Variants in NEB observed in about 807,000 individuals in gnomAD.
NEB encodes nemaline myopathy type 2.
A neutral mutation model predicts 952.2 loss-of-function variants in NEB; 512 were observed. The ratio of observed to expected loss-of-function variants is 0.54; its 90% confidence interval spans 0.50 to 0.58. The LOEUF is 0.58. NEB is among the 20% of genes least tolerant of loss of function. The probability of loss-of-function intolerance (pLI) is 0.00; values close to 1 mark genes in which losing one functional copy is unlikely to be tolerated. For synonymous variants in NEB, 2,900 were observed against 3,149.8 expected (o/e 0.92, Z 2.66); for missense variants, 8,428 against 9,231.1 (o/e 0.91, Z 3.56).
intron 151 of NEB, 34 bp downstream of exon 151, chr2:151,525,129 T>C (rs375442628): frequency 2.0e-4 from 299 of 1,458,588 alleles, no homozygotes; most frequent in Non-Finnish European, 2.5e-4. Flanking sequence ...CTGCTTCAAA[T>C]GGGCCCCCAA....
chr2:151,650,938 CA>C (rs539315827), intron 52 of NEB, 53 bp from the exon 53 acceptor site: 2 of 1,465,202 alleles, frequency 1.4e-6, no homozygotes, highest in Non-Finnish European at 1.8e-6. Context: ...AAGTTAAGCT[CA>C]ACTTGCTTTT....
intron 40 of NEB, among the ~76,000 whole-genome samples, chr2:151,666,854 G>T (rs139127912): frequency 6.6e-6 from 1 of 152,086 alleles, no homozygotes; most frequent in East Asian, 1.9e-4. Context: ...GAGCCACCAT[G>T]TCTGGTCAAT....
chr2:151,636,445 T>C (rs1433496542), intron 63 of NEB, 111 bp from the exon 64 acceptor site: 4 of 871,948 alleles, frequency 4.6e-6, no homozygotes, highest in Non-Finnish European at 6.9e-6. Flanking sequence ...TAATCTTTCT[T>C]TTGAGAGTTC....
intron 126 of NEB, 27 bp from the exon 127 acceptor site, chr2:151,553,529 G>GAAAAAAAAAA: frequency 7.2e-7 from 1 of 1,394,236 alleles, no homozygotes; most frequent in Non-Finnish European, 9.9e-7. Flanking sequence ...GAAAGGATCA[G>GAAAAAAAAAA]AAAAAAAAAA....
chr2:151,499,230 A>T lies in NEB; in HGVS notation c.24114+68T>A, dbSNP rs1575119187. ...ATTGGGATGAGTTGATTAGATTTTT[A>T]AAATCTAGCCATTAATCTTTTTAAA... On this transcript the variant is annotated intron_variant, in intron 169 of 181. Transcript: ENST00000397345. 1.2e-4 allele frequency: 101 copies of T among 849,200 alleles called. No homozygotes were observed. The East Asian group carries it at 2.8e-3, about 23-fold the overall frequency. The allele number at this position is 849,200 out of a possible 1,614,324, so 52.6% of individuals were successfully genotyped here.
At chr2:151,646,054 C>T in intron 55 of NEB, 76 bp downstream of exon 55, 2 of 1,103,660 alleles carry the variant, frequency 1.8e-6, no homozygotes, top group Non-Finnish European at 1.3e-6. Context: ...ATTCAGAGAA[C>T]TTCTAGACAA....
At position 151,518,821 on chromosome 2, in the gene NEB, T is replaced by C. The variant is rs545992813; in HGVS notation, c.22695+144A>G. 5.8e-4 allele frequency: 352 copies of C among 611,942 alleles called. 2 individuals carry two copies. In the South Asian group the frequency reaches 7.2e-3, roughly 13 times the overall value. The allele number at this position is 611,942 out of a possible 1,614,324, so 37.9% of individuals were successfully genotyped here. On this transcript the variant is annotated intron_variant, in intron 155 of 181. Transcript: ENST00000397345. ...GAGAATTGGTAGATTAATGTTGTCA[T>C]TTGGAAGAATACACTCAAATGAGAA...
At chr2:151,527,179 C>T (rs147399704) in intron 147 of NEB, among the ~76,000 whole-genome samples, 157 bp from the exon 148 acceptor site, 26 of 152,118 alleles carry the variant, frequency 1.7e-4, no homozygotes, top group Middle Eastern at 3.4e-3. Context: ...GCATTTTGGA[C>T]TCCTCCTTTT....
chr2:151,650,424 G>A, intron 53 of NEB, 45 bp from the exon 54 acceptor site: 2 of 1,576,414 alleles, frequency 1.3e-6, no homozygotes, highest in Non-Finnish European at 1.7e-6. Context: ...TTCTCACCTG[G>A]ACCCTTGATT....
Position 151,554,981 on chromosome 2 carries a change from C to T in NEB, c.19378G>A (p.Asp6460Asn), listed in dbSNP as rs562175196. The T allele has an allele frequency of 6.5e-5, 105 of 1,613,842 alleles. No individual in the cohort carries two copies. In the Middle Eastern group the frequency reaches 6.6e-4, roughly 10 times the overall value. ...AGGCACCGTGCTGTGTTCGGATCAT[C>T]GTCAACACTTCTTGGTAACGTATAA... ...ALYTLPRSVD[D>N]DPNTARCLRV... is the part of the protein sequence containing the mutation. Residue 6460 changes from aspartate (D) to asparagine (N), a missense_variant, in exon 125 of 182, where the codon GAT becomes AAT. Physicochemically the swap from Asp to Asn is conservative, Grantham distance 23. Coordinates refer to ENST00000397345, the MANE Select transcript of NEB (RefSeq NM_001164508.2).
intron 9 of NEB, among the ~76,000 whole-genome samples, chr2:151,722,619 C>T (rs2099777890): frequency 1.3e-5 from 2 of 152,210 alleles, no homozygotes; most frequent in South Asian, 4.1e-4. Context: ...TCATAGCTCA[C>T]TGCAGCCTCG....
chr2:151,711,759 C>T (rs1001721690), intron 10 of NEB, among the ~76,000 whole-genome samples: 4 of 151,972 alleles, frequency 2.6e-5, no homozygotes, highest in African/African-American at 4.8e-5. Flanking sequence ...CTTTGTAAAC[C>T]CCACAGTGCT....
chr2:151,553,787 G>T, intron 126 of NEB, 41 bp downstream of exon 126: 1 of 1,552,826 alleles, frequency 6.4e-7, no homozygotes, highest in Non-Finnish European at 8.7e-7. Flanking sequence ...GGGGCCGTGG[G>T]GCGGGGCCGT....
At chr2:151,653,915 C>A in intron 52 of NEB, 77 bp downstream of exon 52, 2 of 879,224 alleles carry the variant, frequency 2.3e-6, no homozygotes, top group East Asian at 2.5e-5. Flanking sequence ...AAAGACTATC[C>A]ATAAAAATAG....
At chr2:151,619,092 A>G (rs575108565) in intron 73 of NEB, among the ~76,000 whole-genome samples, 4 of 152,322 alleles carry the variant, frequency 2.6e-5, no homozygotes, top group Non-Finnish European at 5.9e-5. Flanking sequence ...CTTTCCCTCT[A>G]TCTCCCTACT....
chr2:151,661,660 G>A (rs990510734), intron 46 of NEB, among the ~76,000 whole-genome samples: 1 of 152,184 alleles, frequency 6.6e-6, no homozygotes, highest in African/African-American at 2.4e-5. Context: ...AGGAAACACT[G>A]ATGTAGAACA....
chr2:151,710,203 G>A (rs552640559), intron 11 of NEB, among the ~76,000 whole-genome samples: 1 of 152,338 alleles, frequency 6.6e-6, no homozygotes, highest in African/African-American at 2.4e-5. Context: ...ACCATAATGT[G>A]TTGTAAAAAT....
chr2:151,716,716 G>A (rs1372855238), intron 10 of NEB, among the ~76,000 whole-genome samples: 1 of 151,828 alleles, frequency 6.6e-6, no homozygotes, highest in African/African-American at 2.4e-5. Flanking sequence ...AAATCTTGAG[G>A]TTTCATCAAA....
intron 63 of NEB, 52 bp downstream of exon 63, chr2:151,639,228 A>AG: frequency 7.5e-7 from 1 of 1,336,692 alleles, no homozygotes; most frequent in South Asian, 1.3e-5. Flanking sequence ...ATCATAGAGT[A>AG]GATCAACTGA....
Sources: gnomAD v4.1 joint callset for allele counts (sites outside exome capture counted in the v4.1 genomes callset) on GRCh38, gnomAD v4.1.1 for gene constraint, MANE v1.5 for transcripts, NCBI Gene and HGNC (gene_info 2026-07-23, HGNC 2026-07-21) for gene names.